ZGRF1: variants seen among roughly 807,000 people sequenced by gnomAD.
The protein encoded by ZGRF1 is zinc finger GRF-type containing 1, also known as 5'-3' DNA helicase ZGRF1.
Under a neutral mutation model 203.5 loss-of-function variants are expected in ZGRF1, and 196 were observed. That is an observed-to-expected ratio of 0.96 (90% CI 0.86 to 1.08). The LOEUF is 1.08. Among genes scored for constraint, ZGRF1 ranks in the 50% least tolerant of loss-of-function variants. The pLI is 0.00. For missense variants in ZGRF1, 2,326 were observed against 2,416.3 expected (o/e 0.96, Z 0.78); for synonymous variants, 809 against 841.3 (o/e 0.96, Z 0.66).
At chr4:112,567,345 C>T (rs1743306037) in intron 16 of ZGRF1, among the ~76,000 whole-genome samples, 1 of 149,836 alleles carries the variant, frequency 6.7e-6, no homozygotes, top group African/African-American at 2.5e-5. Flanking sequence ...TCAAGGAACA[C>T]AAAGACTTAA....
intron 9 of ZGRF1, 120 bp from the exon 10 acceptor site, chr4:112,603,817 T>C: frequency 1.6e-6 from 1 of 641,332 alleles, no homozygotes; most frequent in Non-Finnish European, 2.5e-6. Flanking sequence ...CTATTGTAAA[T>C]ACCAGGAACT....
intron 27 of ZGRF1, 28 bp from the exon 28 acceptor site, chr4:112,539,717 C>T (rs1737160256): frequency 6.3e-7 from 1 of 1,581,572 alleles, no homozygotes; most frequent in Non-Finnish European, 8.6e-7. Context: ...CATGAGACAA[C>T]TATTCTTTAT....
rs141181537 is a variant in ZGRF1 at position 112,541,236 on chromosome 4, G to A, written c.5631C>T (p.Tyr1877=). 45 of 1,600,964 alleles carry A rather than the reference G, an allele frequency of 2.8e-5. No individual in the cohort carries two copies. In the African/African-American group the frequency reaches 5.5e-4, roughly 19 times the overall value. ...TAGCACTGATTGCAGGATGACAACG[G>A]TATTGAGTTCTCAATAGAATTGGCT... ...GHKPILLRTQ[Y]RCHPAISAIA... Residue 1877 remains tyrosine, a synonymous_variant, in exon 25 of 28, where the codon TAC becomes TAT. Coordinates refer to ENST00000505019, the MANE Select transcript of ZGRF1 (RefSeq NM_018392.5).
chr4:112,565,336 C>A, intron 16 of ZGRF1: 8 of 1,339,708 alleles, frequency 6.0e-6, no homozygotes, highest in South Asian at 2.4e-5. Context: ...CCATGCCAAA[C>A]GTGTAACAAT....
At chr4:112,612,380 G>A (rs1212964335) in intron 7 of ZGRF1, 144 bp downstream of exon 7, 18 of 552,878 alleles carry the variant, frequency 3.3e-5, no homozygotes, top group Non-Finnish European at 5.9e-5. Context: ...TCTTTTGGCT[G>A]AGGAAGGCAA....
At chr4:112,558,112 C>G in intron 20 of ZGRF1, 38 bp downstream of exon 20, 1 of 1,576,200 alleles carries the variant, frequency 6.3e-7, no homozygotes, top group Non-Finnish European at 8.6e-7. Context: ...AACAATATCC[C>G]AAAACATTAG....
At chr4:112,554,635 G>T in intron 21 of ZGRF1, 70 bp downstream of exon 21, 3 of 748,130 alleles carry the variant, frequency 4.0e-6, no homozygotes, top group Non-Finnish European at 6.9e-6. Context: ...CAAACTTAAG[G>T]TAAGAGTGAT....
intron 4 of ZGRF1, among the ~76,000 whole-genome samples, chr4:112,621,524 A>C (rs1030446502): frequency 6.6e-6 from 1 of 150,744 alleles, no homozygotes; most frequent in African/African-American, 2.4e-5. Context: ...GTGGTGGTGC[A>C]TGCCTGTAAT....
At chr4:112,554,110 T>G in intron 21 of ZGRF1, 128 bp from the exon 22 acceptor site, 1 of 716,934 alleles carries the variant, frequency 1.4e-6, no homozygotes, top group Non-Finnish European at 2.2e-6. Context: ...TGTGCAGGTT[T>G]GTTACATATG....
chr4:112,622,334 C>G (rs958617520), intron 4 of ZGRF1, among the ~76,000 whole-genome samples: 1 of 151,648 alleles, frequency 6.6e-6, no homozygotes, highest in Non-Finnish European at 1.5e-5. Flanking sequence ...GCCTGGCCAA[C>G]ATGGTGAAAC....
chr4:112,602,346 C>A (rs1241439099), intron 10 of ZGRF1, among the ~76,000 whole-genome samples: 1 of 152,130 alleles, frequency 6.6e-6, no homozygotes, highest in African/African-American at 2.4e-5. Context: ...CAATATATAC[C>A]CACCAGAATA....
intron 18 of ZGRF1, chr4:112,561,268 G>A: frequency 2.6e-6 from 1 of 377,858 alleles, no homozygotes; most frequent in Non-Finnish European, 4.9e-6. Context: ...AACAACACTA[G>A]GAAATAGTTA....
chr4:112,633,683 T>TA (rs1368973856), intron 1 of ZGRF1, among the ~76,000 whole-genome samples: 4 of 152,190 alleles, frequency 2.6e-5, no homozygotes, highest in Admixed American at 6.5e-5. Context: ...ACCAATTACA[T>TA]AGTACCTCTA....
chr4:112,622,557 T>G (rs1333116478), intron 4 of ZGRF1, among the ~76,000 whole-genome samples: 1 of 144,232 alleles, frequency 6.9e-6, no homozygotes, highest in African/African-American at 2.5e-5. Context: ...CTGTACTAAC[T>G]AAAACTGCTA....
chr4:112,575,925 G>A (rs111315567), intron 16 of ZGRF1, among the ~76,000 whole-genome samples: 1,846 of 152,332 alleles, frequency 0.012, 12 homozygotes, highest in Middle Eastern at 0.044. Context: ...GCTTTGAAGA[G>A]AGTAGTGGTT....
intron 16 of ZGRF1, among the ~76,000 whole-genome samples, chr4:112,563,814 G>A (rs1742473860): frequency 6.6e-6 from 1 of 152,210 alleles, no homozygotes; most frequent in Admixed American, 6.5e-5. Flanking sequence ...TGCCAGCACA[G>A]CACCAGTGAA....
intron 9 of ZGRF1, among the ~76,000 whole-genome samples, chr4:112,603,918 T>C (rs1413139570): frequency 6.6e-6 from 1 of 152,076 alleles, no homozygotes; most frequent in Non-Finnish European, 1.5e-5. Context: ...ACATTTAAGT[T>C]CAACATTAAA....
Position 112,619,640 on chromosome 4 carries a change from A to ACTTTCCATAATAACCATTTT in ZGRF1, c.382_401dup (p.Ser134ArgfsTer43), listed in dbSNP as rs2047000910. The ACTTTCCATAATAACCATTTT allele has an allele frequency of 1.2e-6, 2 of 1,612,582 alleles. No homozygotes were observed. Among genetic ancestry groups the ACTTTCCATAATAACCATTTT allele is most frequent in the Non-Finnish European group, 1.7e-6 (2 of 1,179,572 alleles). ...CCTCATGTGATGCAGCTGATTCACC[A>ACTTTCCATAATAACCATTTT]CTTTCCATAATAACCATTTTCTTTG... On this transcript the variant is annotated frameshift_variant, in exon 6 of 28. Coordinates refer to ENST00000505019, the MANE Select transcript of ZGRF1 (RefSeq NM_018392.5). LOFTEE classifies it high-confidence loss of function.
chr4:112,617,102 A>AT, intron 6 of ZGRF1, among the ~76,000 whole-genome samples: 1 of 152,140 alleles, frequency 6.6e-6, no homozygotes, highest in East Asian at 1.9e-4. Flanking sequence ...TAAAAAAAAG[A>AT]TTGACATATA....
Sources: gnomAD v4.1 joint callset for allele counts (sites outside exome capture counted in the v4.1 genomes callset) on GRCh38, gnomAD v4.1.1 for gene constraint, MANE v1.5 for transcripts, NCBI Gene and HGNC (gene_info 2026-07-23, HGNC 2026-07-21) for gene names.